Variants in HNRNPA0 observed in about 807,000 individuals in gnomAD.
HNRNPA0 encodes heterogeneous nuclear ribonucleoprotein A0.
For synonymous variants in HNRNPA0, 243 were observed against 195.5 expected, an observed-to-expected ratio of 1.24 and a Z score of -2.03; for missense variants, 252 against 433.7, an observed-to-expected ratio of 0.58 and a Z score of 3.72.
In HNRNPA0 at chr5:137,753,821, C is replaced by A; in HGVS notation, c.246G>T (p.Ala82=). The A allele has an allele frequency of 6.2e-7, 1 of 1,611,474 alleles. No homozygotes were observed. The highest frequency in any genetic ancestry group is 1.1e-5 in the South Asian group (1 of 91,088). Residue 82 remains alanine (A), a synonymous_variant, in exon 1 of 1, where the codon GCG becomes GCT. Coordinates refer to ENST00000314940, the MANE Select transcript of HNRNPA0 (RefSeq NM_006805.4). This position sits in a 1 kb window ranked among gnomAD's most constrained non-coding sequence, Gnocchi z 6.1. ...GCCGCGCCGAATCCTCCCGGGACACCGCCCGCTTCAGCTCCACAGTGTTGC... is the reference window on the plus strand; with the variant it reads ...GCCGCGCCGAATCCTCCCGGGACACAGCCCGCTTCAGCTCCACAGTGTTGC... ...VDGNTVELKR[A]VSREDSARPG... is the part of the protein sequence containing the mutation.
In HNRNPA0 at chr5:137,753,261, T is replaced by C; in HGVS notation, c.806A>G (p.Lys269Arg). The change falls in exon 1 of 1, where the codon AAG (lysine) becomes AGG (arginine). Residue 269 changes from lysine to arginine, a missense_variant. Coordinates refer to ENST00000314940, the MANE Select transcript of HNRNPA0 (RefSeq NM_006805.4). This position sits in a 1 kb window ranked among gnomAD's most constrained non-coding sequence, Gnocchi z 6.1. ...TCCACCGCCGCCGCCGCCGCCGCTC[T>C]TCATGGGCCCATAGGAGGACTGATG... ...SQHQSSYGPMKSGGGGGGGGS... is the reference protein window; with the variant it reads ...SQHQSSYGPMRSGGGGGGGGS... The C allele has an allele frequency of 1.2e-6, 2 of 1,602,692 alleles. No homozygotes were observed. Among genetic ancestry groups the C allele is most frequent in the Non-Finnish European group, 1.7e-6 (2 of 1,174,192 alleles).
At position 137,753,239 on chromosome 5, in the gene HNRNPA0, ACCGCCGCCGCCG is replaced by A. The variant is rs750002989; in HGVS notation, c.816_827del (p.Gly275_Gly278del). The A allele has an allele frequency of 6.2e-6, 10 of 1,604,304 alleles. No individual in the cohort carries two copies. The highest frequency in any genetic ancestry group is 4.0e-5 in the African/African-American group (3 of 74,452). The stretch of plus-strand genomic sequence containing the variant: ...TGCGACCGCCCCAGCTACTGCCTCC[ACCGCCGCCGCCG>A]CCGCCGCTCTTCATGGGCCCATAGG... On this transcript the variant is annotated inframe_deletion, in exon 1 of 1. Transcript: ENST00000314940. The surrounding 1 kb of genome is among the most constrained non-coding windows in gnomAD (Gnocchi z 6.1).
chr5:137,753,824 C>T lies in HNRNPA0; in HGVS notation c.243G>A (p.Arg81=). ...AVDGNTVELK[R]AVSREDSARP... ...GCGCCGAATCCTCCCGGGACACCGC[C>T]CGCTTCAGCTCCACAGTGTTGCCGT... The change falls in exon 1 of 1, where the codon CGG becomes CGA. Residue 81 remains arginine (R), a synonymous_variant. Transcript: ENST00000314940. The surrounding 1 kb of genome is among the most constrained non-coding windows in gnomAD (Gnocchi z 6.1). 6.2e-7 allele frequency: 1 copy of T among 1,611,684 alleles called. No individual in the cohort carries two copies.
chr5:137,752,232 G>A lies in HNRNPA0; in HGVS notation c.*917C>T, dbSNP rs994671521. ...CAAACCAGTAAGAGGGATGAAACTA[G>A]GCCATCTGAAAAATTTTAAACAGTT... On this transcript the variant is annotated 3_prime_UTR_variant, in exon 1 of 1. Transcript: ENST00000314940. 3 of 151,948 alleles carry A rather than the reference G, an allele frequency of 2.0e-5. No homozygotes were observed. Among genetic ancestry groups the A allele is most frequent in the African/African-American group, 7.3e-5 (3 of 41,342 alleles). 9.4% of individuals were successfully genotyped at this position (151,948 alleles called of 1,614,324 possible).
Position 137,754,070 on chromosome 5 carries a change from C to G in HNRNPA0, c.-4G>C. On this transcript the variant is annotated 5_prime_UTR_variant, in exon 1 of 1. Transcript: ENST00000314940. Reference sequence around the variant, plus strand: ...TACACAACTGAGAATTCTCCATCTCCAAGGCCCGGGCCTTGCCCCCGCCCT... The same window carrying G: ...TACACAACTGAGAATTCTCCATCTCGAAGGCCCGGGCCTTGCCCCCGCCCT... 6.2e-7 allele frequency: 1 copy of G among 1,606,860 alleles called. No individual in the cohort carries two copies. The highest frequency in any genetic ancestry group is 8.5e-7 in the Non-Finnish European group (1 of 1,175,536).
At position 137,749,344 on chromosome 5, in the gene HNRNPA0, A is replaced by C. The variant is rs1753458441; in HGVS notation, c.*3805T>G. On this transcript the variant is annotated 3_prime_UTR_variant, in exon 1 of 1. Transcript: ENST00000314940. ...GAATCCTTTCCCTCTCTGAAGGTTCAAATCATCTGGCTTCAAATCAAAGTA... is the reference window on the plus strand; with the variant it reads ...GAATCCTTTCCCTCTCTGAAGGTTCCAATCATCTGGCTTCAAATCAAAGTA... The C allele has an allele frequency of 6.6e-6, 1 of 152,154 alleles. No homozygotes were observed. The highest frequency in any genetic ancestry group is 2.4e-5 in the African/African-American group (1 of 41,466). 9.4% of individuals were successfully genotyped at this position (152,154 alleles called of 1,614,324 possible).
Position 137,753,466 on chromosome 5 carries a change from C to T in HNRNPA0, c.601G>A (p.Gly201Ser). 1.3e-6 allele frequency: 2 copies of T among 1,565,970 alleles called. No homozygotes were observed. The highest frequency in any genetic ancestry group is 2.3e-5 in the South Asian group (2 of 86,766). The change falls in exon 1 of 1, where the codon GGC becomes AGC. Residue 201 changes from glycine to serine, a missense_variant. Transcript: ENST00000314940. This position sits in a 1 kb window ranked among gnomAD's most constrained non-coding sequence, Gnocchi z 6.1. ...SRGGRGGRGR[G>S]GGRDQNGLSK... ...AGGCCGTTCTGGTCTCGACCACCGC[C>T]GCGCCCCCGGCCGCCTCGGCCGCCC...
Position 137,748,200 on chromosome 5 carries a change from CCTAT to C in HNRNPA0, c.*4945_*4948del, listed in dbSNP as rs1364926785. On this transcript the variant is annotated 3_prime_UTR_variant, in exon 1 of 1. Coordinates refer to ENST00000314940, the MANE Select transcript of HNRNPA0 (RefSeq NM_006805.4). ...TTCTCCTCCCACCTTCTCTATAAGA[CCTAT>C]CTTTTAAGGTTAAATGTTATATGCT... 2.0e-5 allele frequency: 3 copies of C among 152,174 alleles called. No homozygotes were observed. Among genetic ancestry groups the C allele is most frequent in the Non-Finnish European group, 4.4e-5 (3 of 68,026 alleles). The allele number at this position is 152,174 out of a possible 1,614,324, so 9.4% of individuals were successfully genotyped here. A position where few individuals can be genotyped will look rare whatever the true frequency, so the allele number is the denominator to read the frequency against.
rs1753457413 is a variant in HNRNPA0, at chr5:137,749,260, G to T, written c.*3889C>A. ...GTGGTAAAAGAATTAAAGAGACAAA[G>T]AAAGCCTGCCTGAATAGAGAAGGAA... On this transcript the variant is annotated 3_prime_UTR_variant, in exon 1 of 1. Coordinates refer to ENST00000314940, the MANE Select transcript of HNRNPA0 (RefSeq NM_006805.4). 6.6e-6 allele frequency: 1 copy of T among 152,082 alleles called. No individual in the cohort carries two copies. Among genetic ancestry groups the T allele is most frequent in the African/African-American group, 2.4e-5 (1 of 41,428 alleles). 9.4% of individuals were successfully genotyped at this position (152,082 alleles called of 1,614,324 possible).
rs1753478419 is a variant in HNRNPA0, at chr5:137,750,515, C to CA, written c.*2633dup. ...AGCATGGCACAAAAATTATATTCAA[C>CA]ACTAGGTTCTGTACCACCTGCTCCC... On this transcript the variant is annotated 3_prime_UTR_variant, in exon 1 of 1. Transcript: ENST00000314940. The CA allele has an allele frequency of 6.6e-6, 1 of 152,100 alleles. No individual in the cohort carries two copies. The highest frequency in any genetic ancestry group is 1.5e-5 in the Non-Finnish European group (1 of 67,992). 9.4% of individuals were successfully genotyped at this position (152,100 alleles called of 1,614,324 possible).
Position 137,754,309 on chromosome 5 carries a change from C to T in HNRNPA0, c.-243G>A. ...GGAGACTGGAAGACAACCAAGGCCA[C>T]CGCTACCGCCGCCGCCGCCACCTCC... On this transcript the variant is annotated 5_prime_UTR_variant, in exon 1 of 1. It adds an upstream start codon to the 5' untranslated region. Transcript: ENST00000314940. The T allele has an allele frequency of 2.0e-6, 1 of 512,048 alleles. No individual in the cohort carries two copies. Among genetic ancestry groups the T allele is most frequent in the Non-Finnish European group, 3.5e-6 (1 of 284,402 alleles). 31.7% of individuals were successfully genotyped at this position (512,048 alleles called of 1,614,324 possible). A position where few individuals can be genotyped will look rare whatever the true frequency, so the allele number is the denominator to read the frequency against.
rs1753456958 is a variant in HNRNPA0 at position 137,749,237 on chromosome 5, G to A, written c.*3912C>T. On this transcript the variant is annotated 3_prime_UTR_variant, in exon 1 of 1. Coordinates refer to ENST00000314940, the MANE Select transcript of HNRNPA0 (RefSeq NM_006805.4). ...ATTTTTTAAGTAAACCATACAAAGTGGTAAAAGAATTAAAGAGACAAAGAA... is the reference window on the plus strand; with the variant it reads ...ATTTTTTAAGTAAACCATACAAAGTAGTAAAAGAATTAAAGAGACAAAGAA... 6.6e-6 allele frequency: 1 copy of A among 152,044 alleles called. No homozygotes were observed. The highest frequency in any genetic ancestry group is 6.5e-5 in the Admixed American group (1 of 15,268). 9.4% of individuals were successfully genotyped at this position (152,044 alleles called of 1,614,324 possible).
rs1183115551 is a variant in HNRNPA0 at position 137,749,762 on chromosome 5, G to A, written c.*3387C>T. ...TCCAAATGCCTATCTGCAATCAGCAGACGCGGGCAGACAAAATTTAACCTA... is the reference window on the plus strand; with the variant it reads ...TCCAAATGCCTATCTGCAATCAGCAAACGCGGGCAGACAAAATTTAACCTA... On this transcript the variant is annotated 3_prime_UTR_variant, in exon 1 of 1. Coordinates refer to ENST00000314940, the MANE Select transcript of HNRNPA0 (RefSeq NM_006805.4). The A allele has an allele frequency of 6.6e-6, 1 of 152,148 alleles. No homozygotes were observed. The highest frequency in any genetic ancestry group is 2.4e-5 in the African/African-American group (1 of 41,438). The allele number at this position is 152,148 out of a possible 1,614,324, so 9.4% of individuals were successfully genotyped here. A position where few individuals can be genotyped will look rare whatever the true frequency, so the allele number is the denominator to read the frequency against.
At position 137,754,172 on chromosome 5, in the gene HNRNPA0, G is replaced by A. The variant is rs1488241083; in HGVS notation, c.-106C>T. On this transcript the variant is annotated 5_prime_UTR_variant, in exon 1 of 1. Transcript: ENST00000314940. ...ACACAGCTTGGGCCCAGCCGTTGCT[G>A]GAGCCACCCCCGCCGCTCACCGACG... 1.6e-5 allele frequency: 22 copies of A among 1,401,706 alleles called. No individual in the cohort carries two copies. Among genetic ancestry groups the A allele is most frequent in the Middle Eastern group, 1.8e-4 (1 of 5,416 alleles). 86.8% of individuals were successfully genotyped at this position (1,401,706 alleles called of 1,614,324 possible). A position where few individuals can be genotyped will look rare whatever the true frequency, so the allele number is the denominator to read the frequency against.
Position 137,748,405 on chromosome 5 carries a change from G to T in HNRNPA0, c.*4744C>A, listed in dbSNP as rs954805420. The T allele has an allele frequency of 6.6e-6, 1 of 152,100 alleles. No homozygotes were observed. Among genetic ancestry groups the T allele is most frequent in the African/African-American group, 2.4e-5 (1 of 41,418 alleles). The allele number at this position is 152,100 out of a possible 1,614,324, so 9.4% of individuals were successfully genotyped here. ...TGATTTAGAGAACTACCACATGGAA[G>T]CTCACCCAGCAAGTAAAGAGCAAAG... is the stretch of plus-strand genomic sequence containing the variant. On this transcript the variant is annotated 3_prime_UTR_variant, in exon 1 of 1. Coordinates refer to ENST00000314940, the MANE Select transcript of HNRNPA0 (RefSeq NM_006805.4).
chr5:137,749,878 A>G lies in HNRNPA0; in HGVS notation c.*3271T>C, dbSNP rs1442081567. Reference sequence around the variant, plus strand: ...ATACCATCACTTCTGGTTTTGAAGGAAATCATAAATGCAAATTTCTCAAGT... The same window carrying G: ...ATACCATCACTTCTGGTTTTGAAGGGAATCATAAATGCAAATTTCTCAAGT... On this transcript the variant is annotated 3_prime_UTR_variant, in exon 1 of 1. Coordinates refer to ENST00000314940, the MANE Select transcript of HNRNPA0 (RefSeq NM_006805.4). The G allele has an allele frequency of 6.6e-6, 1 of 152,214 alleles. No individual in the cohort carries two copies. Among genetic ancestry groups the G allele is most frequent in the Non-Finnish European group, 1.5e-5 (1 of 68,008 alleles). The allele number at this position is 152,214 out of a possible 1,614,324, so 9.4% of individuals were successfully genotyped here.
rs1753480831 is a variant in HNRNPA0 at position 137,750,689 on chromosome 5, C to T, written c.*2460G>A. ...GAGGAACCCAGAAGTGACTAAATAC[C>T]ACTATGCTTTTTTCTTCACTACAAA... On this transcript the variant is annotated 3_prime_UTR_variant, in exon 1 of 1. Transcript: ENST00000314940. 1 of 152,044 alleles carries T rather than the reference C, an allele frequency of 6.6e-6. No individual in the cohort carries two copies. Among genetic ancestry groups the T allele is most frequent in the Non-Finnish European group, 1.5e-5 (1 of 67,990 alleles). The allele number at this position is 152,044 out of a possible 1,614,324, so 9.4% of individuals were successfully genotyped here. A position where few individuals can be genotyped will look rare whatever the true frequency, so the allele number is the denominator to read the frequency against.
Position 137,753,487 on chromosome 5 carries a change from C to A in HNRNPA0, c.580G>T (p.Gly194Cys), listed in dbSNP as rs371814036. 28 of 1,584,220 alleles carry A rather than the reference C, an allele frequency of 1.8e-5. No homozygotes were observed. Among genetic ancestry groups the A allele is most frequent in the Non-Finnish European group, 2.1e-5 (25 of 1,165,024 alleles). ...CCGCCGCGCCCCCGGCCGCCTCGGC[C>A]GCCCCGGGAGGATCGGGAGCCGCCT... ...GGGGSRSSRGGRGGRGRGGGR... is the reference protein window; with the variant it reads ...GGGGSRSSRGCRGGRGRGGGR... The change falls in exon 1 of 1, where the codon GGC (glycine) becomes TGC (cysteine). Residue 194 changes from glycine (G) to cysteine (C), a missense_variant. By Grantham distance (159) the Gly-to-Cys change is radical (BLOSUM62 -3). Coordinates refer to ENST00000314940, the MANE Select transcript of HNRNPA0 (RefSeq NM_006805.4). The surrounding 1 kb of genome is among the most constrained non-coding windows in gnomAD (Gnocchi z 6.1).
chr5:137,749,873 G>A lies in HNRNPA0; in HGVS notation c.*3276C>T, dbSNP rs1259703176. On this transcript the variant is annotated 3_prime_UTR_variant, in exon 1 of 1. Coordinates refer to ENST00000314940, the MANE Select transcript of HNRNPA0 (RefSeq NM_006805.4). ...AACTGATACCATCACTTCTGGTTTT[G>A]AAGGAAATCATAAATGCAAATTTCT... The A allele has an allele frequency of 1.3e-5, 2 of 152,146 alleles. No homozygotes were observed. The highest frequency in any genetic ancestry group is 2.4e-5 in the African/African-American group (1 of 41,438). The allele number at this position is 152,146 out of a possible 1,614,324, so 9.4% of individuals were successfully genotyped here.
Sources: allele counts gnomAD v4.1 joint callset, GRCh38; gene constraint gnomAD v4.1.1; non-coding constraint Gnocchi (gnomAD v3.1); transcripts MANE v1.5; gene names NCBI Gene and HGNC (gene_info 2026-07-23, HGNC 2026-07-21).